Variants in XKR4 observed in about 807,000 individuals in gnomAD.
XKR4 encodes the protein XK related 4.
A neutral mutation model predicts 53.9 loss-of-function variants in XKR4; 12 were observed. The ratio of observed to expected loss-of-function variants is 0.22; its 90% CI spans 0.14 to 0.36. The LOEUF is 0.36. XKR4 is among the 10% of genes least tolerant of loss of function. The probability of loss-of-function intolerance (pLI) is 1.00; values close to 1 mark genes in which losing one functional copy is unlikely to be tolerated. For synonymous variants in XKR4, 354 were observed against 362.4 expected, an observed-to-expected ratio of 0.98 and a Z score of 0.26; for missense variants, 799 against 859.5, an observed-to-expected ratio of 0.93 and a Z score of 0.88.
At chr8:55,277,054 G>C (rs978335531) in intron 1 of XKR4, among the ~76,000 whole-genome samples, 2 of 152,196 alleles carry the variant, frequency 1.3e-5, no homozygotes, top group African/African-American at 2.4e-5. Flanking sequence ...TAGGAGAAGA[G>C]AGTTAAAAGC....
chr8:55,452,963 A>G (rs1805477727), intron 2 of XKR4: 4 of 745,950 alleles, frequency 5.4e-6, no homozygotes, highest in Non-Finnish European at 7.3e-6. Flanking sequence ...GCTGCTTCTC[A>G]CCGCTCAGGG....
intron 2 of XKR4, among the ~76,000 whole-genome samples, chr8:55,370,990 A>G (rs1433108167): frequency 6.6e-6 from 1 of 151,652 alleles, no homozygotes; most frequent in Non-Finnish European, 1.5e-5. Context: ...AGTCTAATGG[A>G]AAAGAGAGAC....
intron 2 of XKR4, chr8:55,454,228 G>T (rs752092942): frequency 3.8e-5 from 43 of 1,121,858 alleles, no homozygotes; most frequent in Non-Finnish European, 5.7e-5. Flanking sequence ...ACTCAGGGAT[G>T]GTCACCGTCT....
At chr8:55,444,294 A>T (rs1805313901) in intron 2 of XKR4, among the ~76,000 whole-genome samples, 1 of 152,258 alleles carries the variant, frequency 6.6e-6, no homozygotes, top group South Asian at 2.1e-4. Context: ...GAGAAAGTAT[A>T]GGAAGCGAAC....
chr8:55,242,877 A>G (rs998551047), intron 1 of XKR4, among the ~76,000 whole-genome samples: 18 of 152,204 alleles, frequency 1.2e-4, no homozygotes, highest in Admixed American at 9.2e-4. Flanking sequence ...TTAAAAGTCC[A>G]AAAATAAGAA....
intron 1 of XKR4, among the ~76,000 whole-genome samples, chr8:55,133,451 T>C (rs563758944): frequency 6.6e-6 from 1 of 152,318 alleles, no homozygotes; most frequent in South Asian, 2.1e-4. Flanking sequence ...GAAATAAGCA[T>C]GTCATCTGTG....
At chr8:55,366,287 A>G (rs558253969) in intron 2 of XKR4, among the ~76,000 whole-genome samples, 46 of 152,274 alleles carry the variant, frequency 3.0e-4, no homozygotes, top group Non-Finnish European at 5.7e-4. Context: ...CACACTTCCC[A>G]TTCTGTTTTG....
intron 1 of XKR4, among the ~76,000 whole-genome samples, chr8:55,160,564 G>A (rs1027590239): frequency 2.0e-5 from 3 of 152,186 alleles, no homozygotes; most frequent in Admixed American, 6.5e-5. Context: ...ATAATTTCAC[G>A]AAACACAGTT....
intron 1 of XKR4, among the ~76,000 whole-genome samples, chr8:55,105,384 G>A (rs970638528): frequency 6.6e-6 from 1 of 151,896 alleles, no homozygotes; most frequent in Non-Finnish European, 1.5e-5. Flanking sequence ...GGGATGGAAG[G>A]GTAAGGTTTG....
In XKR4 at chr8:55,103,001, C is replaced by T; in HGVS notation, c.513C>T (p.Phe171=). 6.2e-7 allele frequency: 1 copy of T among 1,612,228 alleles called. No individual in the cohort carries two copies. Among genetic ancestry groups the T allele is most frequent in the Non-Finnish European group, 8.5e-7 (1 of 1,179,870 alleles). The part of the protein sequence containing the change: ...VFSFRWFVHD[F]STEDSATAAA... ...GCTTCCGCTGGTTTGTGCACGATTTCAGCACCGAGGACAGCGCCACGGCCG... is the reference window on the plus strand; with the variant it reads ...GCTTCCGCTGGTTTGTGCACGATTTTAGCACCGAGGACAGCGCCACGGCCG... Residue 171 remains phenylalanine, a synonymous_variant, in exon 1 of 3, where the codon TTC becomes TTT. Transcript: ENST00000327381.
intron 2 of XKR4, among the ~76,000 whole-genome samples, chr8:55,427,261 C>T (rs1448900744): frequency 6.6e-6 from 1 of 152,042 alleles, no homozygotes; most frequent in African/African-American, 2.4e-5. Context: ...GATGATTATT[C>T]CCAGAAAAGT....
intron 1 of XKR4, among the ~76,000 whole-genome samples, chr8:55,175,521 G>A (rs1189291009): frequency 6.6e-6 from 1 of 152,106 alleles, no homozygotes; most frequent in African/African-American, 2.4e-5. Flanking sequence ...TTTATGCTTG[G>A]TCATTCAGTG....
chr8:55,294,847 G>A (rs924083353), intron 1 of XKR4, among the ~76,000 whole-genome samples: 9 of 152,126 alleles, frequency 5.9e-5, no homozygotes, highest in African/African-American at 1.9e-4. Context: ...TTAATACCAT[G>A]GGGGAAAGAC....
At chr8:55,362,657 T>C (rs1803922426) in intron 2 of XKR4, among the ~76,000 whole-genome samples, 2 of 152,194 alleles carry the variant, frequency 1.3e-5, no homozygotes, top group South Asian at 4.1e-4. Context: ...AGTTACCCCA[T>C]CTGGACTTTT....
At chr8:55,418,001 A>T (rs1221916313) in intron 2 of XKR4, among the ~76,000 whole-genome samples, 4 of 152,208 alleles carry the variant, frequency 2.6e-5, no homozygotes, top group Non-Finnish European at 5.9e-5. Flanking sequence ...TTGGGTGCAG[A>T]AAATTTACTG....
chr8:55,288,120 CA>C (rs1818933506), intron 1 of XKR4, among the ~76,000 whole-genome samples: 1 of 152,126 alleles, frequency 6.6e-6, no homozygotes, highest in African/African-American at 2.4e-5. Flanking sequence ...ATTCTTCTTC[CA>C]ATGTGGCCCA....
chr8:55,506,181 C>T (rs1485039797), intron 2 of XKR4, among the ~76,000 whole-genome samples: 1 of 152,228 alleles, frequency 6.6e-6, no homozygotes, highest in Non-Finnish European at 1.5e-5. Flanking sequence ...GCATGAAATG[C>T]AAATTAAACA....
At chr8:55,505,726 G>A (rs532408191) in intron 2 of XKR4, among the ~76,000 whole-genome samples, 1 of 152,264 alleles carries the variant, frequency 6.6e-6, no homozygotes, top group South Asian at 2.1e-4. Flanking sequence ...CTGTTTTGTG[G>A]CCTAATGTAT....
intron 1 of XKR4, among the ~76,000 whole-genome samples, chr8:55,127,565 C>CTTTT (rs35320407): frequency 6.9e-6 from 1 of 145,388 alleles, no homozygotes; most frequent in Non-Finnish European, 1.5e-5. Flanking sequence ...GTGCCTAACT[C>CTTTT]TTTTTTTTTT....
Sources: allele counts gnomAD v4.1 joint callset (sites outside exome capture counted in the v4.1 genomes callset), GRCh38; gene constraint gnomAD v4.1.1; transcripts MANE v1.5; gene names NCBI Gene and HGNC (gene_info 2026-07-23, HGNC 2026-07-21).